DPCD: variants seen among roughly 807,000 people sequenced by gnomAD.
The protein encoded by DPCD is protein DPCD.
A neutral mutation model predicts 26.4 loss-of-function variants in DPCD; 20 were observed. The observed-to-expected ratio is 0.76, with a 90% CI of 0.53 to 1.10. The LOEUF (loss-of-function observed/expected upper bound fraction) is 1.10, where lower values mean the gene tolerates loss of function less well. Among genes scored for constraint, DPCD ranks in the 50% least tolerant of loss-of-function variants. The probability of loss-of-function intolerance (pLI) is 0.00; values close to 1 mark genes in which losing one functional copy is unlikely to be tolerated. For synonymous variants in DPCD, 97 were observed against 94.2 expected (o/e 1.03, Z -0.17); for missense variants, 202 against 253.9 (o/e 0.80, Z 1.39).
intron 1 of DPCD, among the ~76,000 whole-genome samples, chr10:101,590,322 G>T (rs766410128): frequency 3.3e-5 from 5 of 152,142 alleles, no homozygotes; most frequent in Non-Finnish European, 7.3e-5. Flanking sequence ...AAGGAGCAAT[G>T]AGGGGAAGTT....
At chr10:101,601,450 T>C (rs2134772462) in intron 4 of DPCD, 114 bp downstream of exon 4, 1 of 725,474 alleles carries the variant, frequency 1.4e-6, no homozygotes, top group East Asian at 5.2e-5. Flanking sequence ...GAAGCCCTTC[T>C]GCTTACAGGT....
intron 2 of DPCD, among the ~76,000 whole-genome samples, chr10:101,598,211 C>A (rs897592178): frequency 6.6e-6 from 1 of 152,048 alleles, no homozygotes; most frequent in Non-Finnish European, 1.5e-5. Context: ...TTAGGACACC[C>A]ATTTTAGCAA....
At chr10:101,599,251 A>G (rs1360460691) in intron 2 of DPCD, among the ~76,000 whole-genome samples, 2 of 152,210 alleles carry the variant, frequency 1.3e-5, no homozygotes, top group African/African-American at 4.8e-5. Flanking sequence ...GGCATTTGTC[A>G]CTTCTGAGTT....
chr10:101,592,115 C>T (rs1321169827), intron 1 of DPCD, among the ~76,000 whole-genome samples: 1 of 151,726 alleles, frequency 6.6e-6, no homozygotes, highest in Non-Finnish European at 1.5e-5. Flanking sequence ...AATAAATATA[C>T]TATTAAAACA....
At chr10:101,598,985 A>C (rs2063673590) in intron 2 of DPCD, among the ~76,000 whole-genome samples, 1 of 152,202 alleles carries the variant, frequency 6.6e-6, no homozygotes, top group African/African-American at 2.4e-5. Context: ...TCTATTATAA[A>C]GTGGCACCAT....
intron 1 of DPCD, among the ~76,000 whole-genome samples, chr10:101,588,901 C>G (rs2063536588): frequency 6.6e-6 from 1 of 152,190 alleles, no homozygotes; most frequent in African/African-American, 2.4e-5. Flanking sequence ...TCTCTGAGGT[C>G]CTTTCCAGCT....
At chr10:101,605,707 T>C (rs1172960262) in intron 4 of DPCD, among the ~76,000 whole-genome samples, 3 of 152,208 alleles carry the variant, frequency 2.0e-5, no homozygotes, top group African/African-American at 7.2e-5. Context: ...CTGTTCATTG[T>C]TGAACATCCC....
rs2063729206 is a variant in DPCD at position 101,605,702 on chromosome 10, C to G, written c.405-3133C>G. On this transcript the variant is annotated intron_variant, in intron 4 of 5. Coordinates refer to ENST00000370151, the MANE Select transcript of DPCD (RefSeq NM_015448.3). ...CGGACCCCAGGGGAGACAACCTGTTCATTGTTGAACATCCCCACCTCCCAC... is the reference window on the plus strand; with the variant it reads ...CGGACCCCAGGGGAGACAACCTGTTGATTGTTGAACATCCCCACCTCCCAC... 2.0e-5 allele frequency among the ~76,000 whole-genome samples: 3 copies of G among 152,314 alleles called. No individual in the cohort carries two copies. The South Asian group carries it at 6.2e-4, about 32-fold the overall frequency.
chr10:101,609,360 T>C lies in DPCD; in HGVS notation c.508-7T>C. 1 of 1,613,922 alleles carries C rather than the reference T, an allele frequency of 6.2e-7. No homozygotes were observed. The highest frequency in any genetic ancestry group is 1.6e-4 in the Middle Eastern group (1 of 6,062). On this transcript the variant is annotated splice_polypyrimidine_tract_variant and splice_region_variant and intron_variant, in intron 5 of 5. Transcript: ENST00000370151. The stretch of plus-strand genomic sequence containing the variant: ...AATTATTTTCTTATTCCTGGCTGCA[T>C]CCACAGTACCAGAAGCCAAAGGAGG...
At chr10:101,602,387 G>A (rs1325695044) in intron 4 of DPCD, among the ~76,000 whole-genome samples, 1 of 152,182 alleles carries the variant, frequency 6.6e-6, no homozygotes, top group Non-Finnish European at 1.5e-5. Context: ...GCAGCCCTGG[G>A]TGCTGCCATC....
chr10:101,594,736 T>C lies in DPCD; in HGVS notation c.143T>C (p.Leu48Pro), dbSNP rs772152655. Reference sequence around the variant, plus strand: ...TATGACGAGAAGACGAGTGAACTACTTGGTAAGTGACAGAGGCTCCCAGTG... The same window carrying C: ...TATGACGAGAAGACGAGTGAACTACCTGGTAAGTGACAGAGGCTCCCAGTG... Reference protein sequence around the residue: ...EEYDEKTSELLVRKWRVKSAL... With the variant: ...EEYDEKTSELPVRKWRVKSAL... The change falls in exon 2 of 6, where the codon CTT becomes CCT. Residue 48 changes from leucine (L) to proline (P), a missense_variant and splice_region_variant. Coordinates refer to ENST00000370151, the MANE Select transcript of DPCD (RefSeq NM_015448.3). 4 of 1,614,124 alleles carry C rather than the reference T, an allele frequency of 2.5e-6. No homozygotes were observed. Among genetic ancestry groups the C allele is most frequent in the Non-Finnish European group, 2.5e-6 (3 of 1,179,964 alleles).
intron 4 of DPCD, among the ~76,000 whole-genome samples, chr10:101,601,729 G>A (rs2063700282): frequency 1.3e-5 from 2 of 151,850 alleles, no homozygotes; most frequent in Non-Finnish European, 2.9e-5. Flanking sequence ...GTCAGAGCTG[G>A]CAGGGAGCCA....
Position 101,600,586 on chromosome 10 carries a change from C to T in DPCD, c.146-152C>T. 8.2e-7 allele frequency: 1 copy of T among 1,216,946 alleles called. No individual in the cohort carries two copies. Among genetic ancestry groups the T allele is most frequent in the East Asian group, 2.5e-5 (1 of 40,144 alleles). 75.4% of individuals were successfully genotyped at this position (1,216,946 alleles called of 1,614,324 possible). Reference sequence around the variant, plus strand: ...GTTGTGAGGTCCCTCCTTAGATTAACAAAGCTGAGAGTAAAGGCCCAACAC... The same window carrying T: ...GTTGTGAGGTCCCTCCTTAGATTAATAAAGCTGAGAGTAAAGGCCCAACAC... On this transcript the variant is annotated intron_variant, in intron 2 of 5. Transcript: ENST00000370151. This position sits in a 1 kb window ranked among gnomAD's most constrained non-coding sequence, Gnocchi z 4.7.
intron 2 of DPCD, among the ~76,000 whole-genome samples, chr10:101,595,591 T>C (rs140181109): frequency 6.6e-6 from 1 of 152,238 alleles, no homozygotes; most frequent in Non-Finnish European, 1.5e-5. Context: ...TTCTTTTTCC[T>C]TTTTTCTGAC....
intron 4 of DPCD, among the ~76,000 whole-genome samples, chr10:101,606,491 A>G (rs1377348435): frequency 6.7e-6 from 1 of 149,088 alleles, no homozygotes; most frequent in Non-Finnish European, 1.5e-5. Flanking sequence ...TTTTCTTTTA[A>G]TTTTTTGTAG....
intron 1 of DPCD, among the ~76,000 whole-genome samples, chr10:101,590,377 A>G (rs2063597385): frequency 6.6e-6 from 1 of 151,946 alleles, no homozygotes; most frequent in South Asian, 2.1e-4. Context: ...ACATATTGTG[A>G]TAGATCTCTT....
chr10:101,599,265 A>C (rs2063675237), intron 2 of DPCD, among the ~76,000 whole-genome samples: 1 of 152,204 alleles, frequency 6.6e-6, no homozygotes, highest in African/African-American at 2.4e-5. Flanking sequence ...CTGAGTTTGC[A>C]ACTGTGTCAG....
intron 4 of DPCD, among the ~76,000 whole-genome samples, chr10:101,607,591 G>A (rs900549630): frequency 2.0e-5 from 3 of 152,174 alleles, no homozygotes; most frequent in African/African-American, 7.2e-5. Context: ...GGGGGCAGAA[G>A]TGCTGCATTG....
chr10:101,590,254 T>C (rs1183521245), intron 1 of DPCD, among the ~76,000 whole-genome samples: 1 of 152,094 alleles, frequency 6.6e-6, no homozygotes, highest in Non-Finnish European at 1.5e-5. Flanking sequence ...CCTATAACTA[T>C]GTCAGGTACT....
Sources: gnomAD v4.1 joint callset for allele counts (sites outside exome capture counted in the v4.1 genomes callset) on GRCh38, gnomAD v4.1.1 for gene constraint, Gnocchi (gnomAD v3.1) non-coding constraint, MANE v1.5 for transcripts, NCBI Gene and HGNC (gene_info 2026-07-23, HGNC 2026-07-21) for gene names.